AGBL1: variants seen among roughly 807,000 people sequenced by gnomAD.
AGBL1 encodes cytosolic carboxypeptidase 4.
AGBL1 carries 130 observed loss-of-function variants against 118.9 expected under a neutral mutation model. That is an observed-to-expected ratio of 1.09 (90% CI 0.95 to 1.26). The LOEUF is 1.26. Among genes scored for constraint, AGBL1 ranks in the 50% most tolerant of loss-of-function variants. The probability of loss-of-function intolerance (pLI) is 0.00; values close to 1 mark genes in which losing one functional copy is unlikely to be tolerated. For synonymous variants in AGBL1, 555 were observed against 478.9 expected (o/e 1.16, Z -2.08); for missense variants, 1,584 against 1,298.1 (o/e 1.22, Z -3.38).
intron 17 of AGBL1, among the ~76,000 whole-genome samples, chr15:86,315,805 T>C (rs1293285457): frequency 2.6e-5 from 4 of 152,108 alleles, no homozygotes; most frequent in Admixed American, 6.5e-5. Context: ...ACCTTCCTTT[T>C]ATTTCACACG....
At chr15:86,927,164 T>TAATAA (rs887012196) in intron 23 of AGBL1, among the ~76,000 whole-genome samples, 20 of 150,222 alleles carry the variant, frequency 1.3e-4, no homozygotes, top group African/African-American at 4.1e-4. Flanking sequence ...AATAAATAAA[T>TAATAA]AATAAAATAA....
intron 5 of AGBL1, among the ~76,000 whole-genome samples, chr15:86,206,500 A>G (rs953842019): frequency 6.6e-6 from 1 of 152,086 alleles, no homozygotes; most frequent in Non-Finnish European, 1.5e-5. Flanking sequence ...TTTAATGATC[A>G]CCATTCTAAC....
chr15:86,979,503 G>C (rs557312248), intron 23 of AGBL1, among the ~76,000 whole-genome samples: 110 of 151,660 alleles, frequency 7.3e-4, no homozygotes, highest in African/African-American at 2.2e-3. Context: ...TTTTTGGCGG[G>C]GGGGAGATGG....
intron 17 of AGBL1, 198 bp downstream of exon 17, chr15:86,295,606 A>C (rs2079622964): frequency 2.2e-6 from 1 of 455,588 alleles, no homozygotes; most frequent in Non-Finnish European, 3.7e-6. Flanking sequence ...AAAGGGAGAG[A>C]AAATGAAATG....
At position 86,317,118 on chromosome 15, in the gene AGBL1, C is replaced by T. The variant is rs2141835798; in HGVS notation, c.2374+21710C>T. On this transcript the variant is annotated intron_variant, in intron 17 of 22. Transcript: ENST00000614907. Reference sequence around the variant, plus strand: ...CCTGCCTCTCATCTGTTTCCGGCTTCTTCCTCTCCATCCTTTCTTCCAAAG... The same window carrying T: ...CCTGCCTCTCATCTGTTTCCGGCTTTTTCCTCTCCATCCTTTCTTCCAAAG... 2.0e-5 allele frequency: 3 copies of T among 152,454 alleles called. No homozygotes were observed. In the South Asian group the frequency reaches 6.2e-4, roughly 32 times the overall value. 9.4% of individuals were successfully genotyped at this position (152,454 alleles called of 1,614,324 possible). A position where few individuals can be genotyped will look rare whatever the true frequency, so the allele number is the denominator to read the frequency against.
At chr15:86,548,290 A>T (rs1218939988) in intron 20 of AGBL1, among the ~76,000 whole-genome samples, 2 of 152,198 alleles carry the variant, frequency 1.3e-5, no homozygotes, top group East Asian at 3.9e-4. Flanking sequence ...ATTTACCATT[A>T]GTATTGAAGA....
At chr15:86,261,966 C>T (rs1433418015) in intron 9 of AGBL1, among the ~76,000 whole-genome samples, 1 of 151,964 alleles carries the variant, frequency 6.6e-6, no homozygotes, top group Non-Finnish European at 1.5e-5. Context: ...TCTCAAATCT[C>T]ATCTCCTGCA....
At chr15:86,141,561 G>A (rs1474200776) in intron 1 of AGBL1, among the ~76,000 whole-genome samples, 1 of 152,218 alleles carries the variant, frequency 6.6e-6, no homozygotes, top group Non-Finnish European at 1.5e-5. Context: ...TGAGGCAGAA[G>A]AACTGCTTGA....
chr15:86,522,885 T>G lies in AGBL1; in HGVS notation c.2631T>G (p.Ile877Met). The G allele has an allele frequency of 6.2e-7, 1 of 1,613,960 alleles. No homozygotes were observed. Residue 877 changes from isoleucine (I) to methionine (M), a missense_variant, in exon 19 of 23, where the codon ATT (isoleucine) becomes ATG (methionine). Transcript: ENST00000614907. ...CCAGTGCTCATCTGCAGCCAACCAT[T>G]TACCATGCCAAAGGCCTCCTCTACC... ...LSPSAHLQPT[I>M]YHAKGLLYHL...
At chr15:86,665,697 A>G (rs2085632234) in intron 21 of AGBL1, among the ~76,000 whole-genome samples, 1 of 152,114 alleles carries the variant, frequency 6.6e-6, no homozygotes, top group Non-Finnish European at 1.5e-5. Context: ...GAGATGATAA[A>G]ACATTAATGT....
At chr15:86,110,587 C>T (rs1292335753) in intron 1 of AGBL1, among the ~76,000 whole-genome samples, 2 of 151,948 alleles carry the variant, frequency 1.3e-5, no homozygotes, top group Non-Finnish European at 2.9e-5. Flanking sequence ...TATGAGTGGA[C>T]CAGCACAGTT....
intron 21 of AGBL1, among the ~76,000 whole-genome samples, chr15:86,616,371 A>G (rs2084725781): frequency 6.6e-6 from 1 of 151,368 alleles, no homozygotes; most frequent in African/African-American, 2.4e-5. Context: ...AAAAAAAAAA[A>G]ATGAAGATGG....
At chr15:86,546,712 G>T (rs1290902702) in intron 20 of AGBL1, among the ~76,000 whole-genome samples, 1 of 152,134 alleles carries the variant, frequency 6.6e-6, no homozygotes, top group Admixed American at 6.5e-5. Context: ...AGTTTTAGTG[G>T]TTAGAGCTCA....
At chr15:86,468,022 C>T (rs563851498) in intron 18 of AGBL1, among the ~76,000 whole-genome samples, 39 of 152,130 alleles carry the variant, frequency 2.6e-4, no homozygotes, top group Middle Eastern at 3.4e-3. Flanking sequence ...TGTTTCTGCC[C>T]ATTAGACTGT....
At position 86,100,341 on chromosome 15, in the gene AGBL1, G is replaced by A. The variant is rs539054374; in HGVS notation, c.51+20318G>A. Among the ~76,000 whole-genome samples, 6 of 152,266 alleles carry A rather than the reference G, an allele frequency of 3.9e-5. No homozygotes were observed. The East Asian group carries it at 9.6e-4, about 24-fold the overall frequency. Reference sequence around the variant, plus strand: ...TTAGTATCAGGGTAATGCTGACCTTGTAGAATGAATTAGGGAGAATTCTCA... The same window carrying A: ...TTAGTATCAGGGTAATGCTGACCTTATAGAATGAATTAGGGAGAATTCTCA... On this transcript the variant is annotated intron_variant, in intron 1 of 22. Coordinates refer to ENST00000614907, the MANE Select transcript of AGBL1 (RefSeq NM_001386094.1).
At position 86,445,875 on chromosome 15, in the gene AGBL1, C is replaced by T. The variant is rs750630385; in HGVS notation, c.2555+48329C>T. ...TGATGCATTGGGGCCGTGTAAAAGT[C>T]GACAGTGACATATGGGAAAGGCCCT... On this transcript the variant is annotated intron_variant, in intron 18 of 22. Transcript: ENST00000614907. Among the ~76,000 whole-genome samples, 46 of 152,104 alleles carry T rather than the reference C, an allele frequency of 3.0e-4. 1 individual carries two copies. Among genetic ancestry groups the T allele is most frequent in the Non-Finnish European group, 3.2e-4 (22 of 68,024 alleles).
chr15:86,710,848 A>C (rs1439495672), intron 22 of AGBL1, among the ~76,000 whole-genome samples: 1 of 152,212 alleles, frequency 6.6e-6, no homozygotes, highest in African/African-American at 2.4e-5. Flanking sequence ...AAATATTAGC[A>C]CTGCCAATTA....
intron 1 of AGBL1, among the ~76,000 whole-genome samples, chr15:86,098,960 A>G (rs980116774): frequency 2.9e-4 from 44 of 152,236 alleles, no homozygotes; most frequent in African/African-American, 1.0e-3. Context: ...ATGTCTTTCC[A>G]TTTTTTAGTG....
At chr15:86,811,872 A>G (rs1026019133) in intron 22 of AGBL1, among the ~76,000 whole-genome samples, 1 of 152,246 alleles carries the variant, frequency 6.6e-6, no homozygotes, top group African/African-American at 2.4e-5. Context: ...AACCCACTTC[A>G]TATCTACCAG....
Sources: gnomAD v4.1 joint callset for allele counts (sites outside exome capture counted in the v4.1 genomes callset) on GRCh38, gnomAD v4.1.1 for gene constraint, MANE v1.5 for transcripts, NCBI Gene and HGNC (gene_info 2026-07-23, HGNC 2026-07-21) for gene names.